The following NAV1 variants were observed in gnomAD, a reference collection of about 807,000 sequenced individuals.
NAV1 encodes the protein neuron navigator 1.
A neutral mutation model predicts 175.2 loss-of-function variants in NAV1; 18 were observed. The observed-to-expected ratio is 0.10, with a 90% confidence interval of 0.07 to 0.15. NAV1 has a LOEUF of 0.15. Among genes scored for constraint, NAV1 ranks in the 10% least tolerant of loss-of-function variants. The pLI is 1.00. For missense variants in NAV1, 1,731 were observed against 2,436.6 expected (o/e 0.71, Z 6.10); for synonymous variants, 897 against 978.7 (o/e 0.92, Z 1.56).
chr1:201,648,222 C>G, upstream of NAV1: 1 of 1,008,044 alleles, frequency 9.9e-7, no homozygotes, highest in Non-Finnish European at 1.2e-6. Flanking sequence ...TGAGTGCGGC[C>G]GGGGCGCTGC....
At chr1:201,677,250 CAAAAAA>C (rs3053786) in intron 1 of NAV1, among the ~76,000 whole-genome samples, 1 of 110,706 alleles carries the variant, frequency 9.0e-6, no homozygotes, top group South Asian at 3.3e-4. Context: ...GACTCCATCT[CAAAAAA>C]AAAAAAAAAA....
intron 1 of NAV1, among the ~76,000 whole-genome samples, chr1:201,583,030 T>G (rs1028451435): frequency 1.3e-5 from 2 of 152,290 alleles, no homozygotes; most frequent in Non-Finnish European, 2.9e-5. Flanking sequence ...CAGCATCCGC[T>G]GCCATAGCCC....
chr1:201,724,063 A>T (rs1303855058), intron 3 of NAV1: 1 of 152,072 alleles, frequency 6.6e-6, no homozygotes, highest in Non-Finnish European at 1.5e-5. Context: ...GACGTCAATG[A>T]CCCTCTTAAA....
intron 1 of NAV1, among the ~76,000 whole-genome samples, chr1:201,710,080 A>T (rs1180131567): frequency 1.3e-5 from 2 of 150,358 alleles, no homozygotes; most frequent in Non-Finnish European, 2.9e-5. Context: ...GATGTCTATG[A>T]CTCCCATCTG....
chr1:201,742,575 C>A (rs1429980950), intron 3 of NAV1, among the ~76,000 whole-genome samples: 2 of 152,118 alleles, frequency 1.3e-5, no homozygotes, highest in Admixed American at 1.3e-4. Flanking sequence ...GTCTTCCAAG[C>A]ATGAAGTCCA....
At chr1:201,561,226 T>C (rs962198904) in intron 1 of NAV1, among the ~76,000 whole-genome samples, 2 of 152,144 alleles carry the variant, frequency 1.3e-5, no homozygotes, top group Non-Finnish European at 2.9e-5. Flanking sequence ...GCTGGGACAG[T>C]GGGATATTGT....
chr1:201,613,334 T>C (rs966201707), intron 2 of NAV1, among the ~76,000 whole-genome samples: 1 of 152,044 alleles, frequency 6.6e-6, no homozygotes, highest in African/African-American at 2.4e-5. Context: ...AAATGGACTG[T>C]CCTATTTGTA....
Position 201,808,296 on chromosome 1 carries a change from T to C in NAV1, c.3846-122T>C. 1 of 1,392,762 alleles carries C rather than the reference T, an allele frequency of 7.2e-7. No homozygotes were observed. Among genetic ancestry groups the C allele is most frequent in the Non-Finnish European group, 9.8e-7 (1 of 1,022,908 alleles). 86.3% of individuals were successfully genotyped at this position (1,392,762 alleles called of 1,614,324 possible). On this transcript the variant is annotated intron_variant, in intron 18 of 29. Coordinates refer to ENST00000367296, the Ensembl canonical transcript of NAV1. The surrounding 1 kb of genome is among the most constrained non-coding windows in gnomAD (Gnocchi z 5.5). The stretch of plus-strand genomic sequence containing the variant: ...ATGAGACCAACAGATGGACCTTTCT[T>C]CTCATGCTGATTGAATATCAATGGG...
At position 201,550,091 on chromosome 1, in the gene NAV1, C is replaced by T. The variant is rs180692838; in HGVS notation, c.-144+10749C>T. On this transcript the variant is annotated intron_variant, in intron 1 of 33. Transcript: ENST00000685211. ...AGAAAGAGCTCCAGGACGCAGCATG[C>T]CCATAAGGATGCACCCAACACCCTA... Among the ~76,000 whole-genome samples the T allele has an allele frequency of 6.3e-3, 952 of 151,654 alleles. 7 individuals are homozygous for T. Among genetic ancestry groups the T allele is most frequent in the Non-Finnish European group, 0.01 (696 of 67,918 alleles).
At chr1:201,605,149 C>A (rs1456912510) in intron 2 of NAV1, among the ~76,000 whole-genome samples, 1 of 148,838 alleles carries the variant, frequency 6.7e-6, no homozygotes, top group South Asian at 2.1e-4. Context: ...TTTTTTCCTT[C>A]CCCCTGATCC....
In NAV1 at chr1:201,810,730, C is replaced by T; in HGVS notation, c.4769C>T (p.Thr1590Ile). ...GAGGTCACAGAGGGCATCGTCAGCA[C>T]CTTCAACATGCACCAGCAGTCTTGC... is the stretch of plus-strand genomic sequence containing the variant. The change falls in exon 24 of 30, where the codon ACC (threonine) becomes ATC (isoleucine). Residue 1590 changes from threonine to isoleucine, a missense_variant. By Grantham distance (89) the Thr-to-Ile change is moderately conservative (BLOSUM62 -1). Coordinates refer to ENST00000367296, the Ensembl canonical transcript of NAV1. The surrounding 1 kb of genome is among the most constrained non-coding windows in gnomAD (Gnocchi z 6.0). The T allele has an allele frequency of 1.2e-6, 2 of 1,614,096 alleles. No individual in the cohort carries two copies. The highest frequency in any genetic ancestry group is 8.5e-7 in the Non-Finnish European group (1 of 1,179,992).
In NAV1 at chr1:201,583,015, T is replaced by A. The variant is rs570956325; in HGVS notation, c.-143-5524T>A. 3.3e-5 allele frequency among the ~76,000 whole-genome samples: 5 copies of A among 152,374 alleles called. No homozygotes were observed. The East Asian group carries it at 9.6e-4, about 29-fold the overall frequency. ...ACAGGAGGCTACTGTGTATACGGGA[T>A]CCCTCAGCATCCGCTGCCATAGCCC... On this transcript the variant is annotated intron_variant, in intron 1 of 33. Transcript: ENST00000685211.
chr1:201,751,332 C>T (rs1352165724), intron 3 of NAV1, among the ~76,000 whole-genome samples: 1 of 152,168 alleles, frequency 6.6e-6, no homozygotes, highest in Non-Finnish European at 1.5e-5. Context: ...ACATTTTTAG[C>T]ACTGAAGAGA....
chr1:201,637,744 A>G (rs1668648361), intron 2 of NAV1, among the ~76,000 whole-genome samples: 1 of 152,162 alleles, frequency 6.6e-6, no homozygotes, highest in Non-Finnish European at 1.5e-5. Flanking sequence ...CCACAGGCAC[A>G]CACCCTACCC....
chr1:201,668,540 C>T (rs1283349791), intron 1 of NAV1, among the ~76,000 whole-genome samples: 2 of 152,036 alleles, frequency 1.3e-5, no homozygotes, highest in Non-Finnish European at 2.9e-5. Context: ...GTCTCAGCAC[C>T]GCTTACTTGT....
At chr1:201,690,353 A>G (rs1183500749) in intron 1 of NAV1, among the ~76,000 whole-genome samples, 1 of 59,792 alleles carries the variant, frequency 1.7e-5, no homozygotes, top group African/African-American at 5.4e-5. Context: ...TCTGTGGCCT[A>G]TATGTGGCAG....
At chr1:201,785,210 G>A in intron 7 of NAV1, 100 bp from the exon 12 acceptor site, 2 of 1,260,284 alleles carry the variant, frequency 1.6e-6, no homozygotes, top group South Asian at 2.7e-5. Context: ...TGCGTCTAGG[G>A]TCTGCATACC....
chr1:201,814,761 C>T (rs1007271535), intron 28 of NAV1, among the ~76,000 whole-genome samples: 9 of 151,830 alleles, frequency 5.9e-5, no homozygotes, highest in South Asian at 2.1e-4. Context: ...AAAAAAAAGC[C>T]GGGTGCGGTG....
intron 3 of NAV1, among the ~76,000 whole-genome samples, chr1:201,761,627 C>G (rs1674849693): frequency 6.6e-6 from 1 of 152,170 alleles, no homozygotes; most frequent in Admixed American, 6.5e-5. Context: ...GGAACATATA[C>G]AGGCCATATA....
Sources: allele counts gnomAD v4.1 joint callset (sites outside exome capture counted in the v4.1 genomes callset), GRCh38; gene constraint gnomAD v4.1.1; non-coding constraint Gnocchi (gnomAD v3.1); transcripts MANE v1.5; gene names NCBI Gene and HGNC (gene_info 2026-07-23, HGNC 2026-07-21).